NDST3: variants seen among roughly 807,000 people sequenced by gnomAD.
NDST3 encodes bifunctional heparan sulfate N-deacetylase/N-sulfotransferase 3.
In NDST3, 58 loss-of-function variants were observed where a neutral mutation model predicts 96.1. The observed-to-expected ratio is 0.60, with a 90% CI of 0.49 to 0.75. The LOEUF is 0.75. Ranked by LOEUF, NDST3 falls within the 30% of genes least tolerant of loss-of-function variation. The pLI is 0.00. For missense variants in NDST3, 788 were observed against 1,034.2 expected (o/e 0.76, Z 3.27); for synonymous variants, 333 against 359.7 (o/e 0.93, Z 0.84).
At chr4:118,159,605 T>C (rs1694177079) in intron 6 of NDST3, among the ~76,000 whole-genome samples, 1 of 151,982 alleles carries the variant, frequency 6.6e-6, no homozygotes, top group African/African-American at 2.4e-5. Context: ...CTTAATGAAA[T>C]GGAGAGATTA....
intron 2 of NDST3, among the ~76,000 whole-genome samples, chr4:118,094,561 G>A (rs953654570): frequency 6.6e-6 from 1 of 151,780 alleles, no homozygotes; most frequent in Non-Finnish European, 1.5e-5. Flanking sequence ...CCTTTCCATA[G>A]AAGTCATTAT....
At chr4:118,125,975 T>C (rs1560661419) in intron 4 of NDST3, among the ~76,000 whole-genome samples, 1 of 152,004 alleles carries the variant, frequency 6.6e-6, no homozygotes, top group East Asian at 1.9e-4. Context: ...ATTGGGCCAC[T>C]CTGCCAACAT....
At position 118,114,951 on chromosome 4, in the gene NDST3, A is replaced by C. The variant is rs201966915; in HGVS notation, c.1215A>C (p.Lys405Asn). 19 of 1,614,096 alleles carry C rather than the reference A, an allele frequency of 1.2e-5. No homozygotes were observed. Among genetic ancestry groups the C allele is most frequent in the African/African-American group, 1.3e-5 (1 of 75,048 alleles). ...SLVEQMILNKKFALEHGIPTD... is the reference protein window; with the variant it reads ...SLVEQMILNKNFALEHGIPTD... ...TGGAGCAGATGATTCTCAACAAAAAATTTGCCTTAGTAAGTAACTCACTTT... is the reference window on the plus strand; with the variant it reads ...TGGAGCAGATGATTCTCAACAAAAACTTTGCCTTAGTAAGTAACTCACTTT... Residue 405 changes from lysine to asparagine, a missense_variant, in exon 4 of 14, where the codon AAA becomes AAC. Lys to Asn is a moderately conservative substitution (Grantham distance 94). Coordinates refer to ENST00000296499, the MANE Select transcript of NDST3 (RefSeq NM_004784.3).
rs184567243 is a variant in NDST3, at chr4:118,252,340, G to T, written c.2400-1159G>T. On this transcript the variant is annotated intron_variant, in intron 12 of 13. Coordinates refer to ENST00000296499, the MANE Select transcript of NDST3 (RefSeq NM_004784.3). The stretch of plus-strand genomic sequence containing the variant: ...AGACTTGAGTCATGACTTGAATATT[G>T]AAGAAGTGTATAGTACAAGGTAAAT... Among the ~76,000 whole-genome samples, 578 of 152,258 alleles carry T rather than the reference G, an allele frequency of 3.8e-3. 1 individual carries two copies. The highest frequency in any genetic ancestry group is 6.8e-3 in the Middle Eastern group (2 of 294).
intron 10 of NDST3, among the ~76,000 whole-genome samples, chr4:118,238,447 C>G (rs529381588): frequency 6.6e-6 from 1 of 151,978 alleles, no homozygotes; most frequent in Non-Finnish European, 1.5e-5. Flanking sequence ...AAACTTGTTT[C>G]GGTGATAATT....
chr4:118,222,790 A>AT (rs1234815273), intron 6 of NDST3, among the ~76,000 whole-genome samples: 2 of 152,064 alleles, frequency 1.3e-5, no homozygotes, highest in African/African-American at 2.4e-5. Context: ...AAAGAGTAGC[A>AT]TTTTTTTACT....
At chr4:118,240,949 T>C (rs1290176572) in intron 11 of NDST3, among the ~76,000 whole-genome samples, 3 of 152,244 alleles carry the variant, frequency 2.0e-5, no homozygotes, top group Non-Finnish European at 4.4e-5. Context: ...AAGCTTTAGA[T>C]ACGATTCTTA....
chr4:118,251,378 G>A (rs1029362452), intron 12 of NDST3, among the ~76,000 whole-genome samples: 3 of 151,560 alleles, frequency 2.0e-5, no homozygotes, highest in South Asian at 4.2e-4. Flanking sequence ...CGCCTGCCTC[G>A]GCCTTATAAT....
chr4:118,054,640 C>A lies in NDST3; in HGVS notation c.730C>A (p.Leu244Ile). Reference sequence around the variant, plus strand: ...TGCCAAAGTAAAGACCCCAGAAAACCTTTCTCCTTCCATCTCTAAAGGTGC... The same window carrying A: ...TGCCAAAGTAAAGACCCCAGAAAACATTTCTCCTTCCATCTCTAAAGGTGC... ...IFAKVKTPEN[L>I]SPSISKGAFY... Residue 244 changes from leucine (L) to isoleucine (I), a missense_variant, in exon 2 of 14, where the codon CTT (leucine) becomes ATT (isoleucine). Transcript: ENST00000296499. 1 of 1,613,232 alleles carries A rather than the reference C, an allele frequency of 6.2e-7. No homozygotes were observed. Among genetic ancestry groups the A allele is most frequent in the Non-Finnish European group, 8.5e-7 (1 of 1,179,450 alleles).
chr4:118,123,607 A>C (rs1200818441), intron 4 of NDST3, among the ~76,000 whole-genome samples: 1 of 152,100 alleles, frequency 6.6e-6, no homozygotes, highest in Admixed American at 6.6e-5. Flanking sequence ...ACACCCCAGC[A>C]ATTCAAAAAT....
At chr4:118,154,627 A>C (rs1240462757) in intron 6 of NDST3, among the ~76,000 whole-genome samples, 6 of 152,200 alleles carry the variant, frequency 3.9e-5, no homozygotes, top group African/African-American at 1.4e-4. Flanking sequence ...CACAGAACAA[A>C]GGACTATTAA....
At chr4:118,216,994 T>C (rs996520663) in intron 6 of NDST3, among the ~76,000 whole-genome samples, 8 of 152,056 alleles carry the variant, frequency 5.3e-5, no homozygotes, top group Non-Finnish European at 1.0e-4. Flanking sequence ...AAAACAAGTA[T>C]GTTTAAAAAG....
chr4:118,193,410 C>T (rs531169146), intron 6 of NDST3: 9 of 664,684 alleles, frequency 1.4e-5, no homozygotes, highest in African/African-American at 1.3e-4. Flanking sequence ...AGGGGCTATG[C>T]TTCTGTCTCC....
rs770155552 is a variant in NDST3, at chr4:118,143,664, T to C, written c.1519T>C (p.Phe507Leu). 1 of 1,603,568 alleles carries C rather than the reference T, an allele frequency of 6.2e-7. No individual in the cohort carries two copies. Among genetic ancestry groups the C allele is most frequent in the South Asian group, 1.1e-5 (1 of 87,832 alleles). Reference protein sequence around the residue: ...DKSIQGGELFFTVVLNPISIF... With the variant: ...DKSIQGGELFLTVVLNPISIF... ...GAGTATCCAAGGAGGAGAACTTTTC[T>C]TCACTGTCGTCCTCAACCCTGTAAG... The change falls in exon 6 of 14, where the codon TTC (phenylalanine) becomes CTC (leucine). Residue 507 changes from phenylalanine (F) to leucine (L), a missense_variant. By Grantham distance (22) the Phe-to-Leu change is conservative (BLOSUM62 0). This residue lies in a region of NDST3 where 490 missense variants were observed against 708.8 expected (regional missense o/e 0.69). Transcript: ENST00000296499.
Position 118,151,311 on chromosome 4 carries a change from G to A in NDST3, c.1539+7627G>A, listed in dbSNP as rs561503161. On this transcript the variant is annotated intron_variant, in intron 6 of 13. Transcript: ENST00000296499. ...TAGATGACGAGTTAGTGGGTGCAGC[G>A]CACCAGCATGGTACATGTATACATA... is the stretch of plus-strand genomic sequence containing the variant. Among the ~76,000 whole-genome samples the A allele has an allele frequency of 3.3e-5, 5 of 151,988 alleles. No individual in the cohort carries two copies. In the South Asian group the frequency reaches 6.2e-4, roughly 19 times the overall value.
chr4:118,150,710 T>C (rs1216329254), intron 6 of NDST3, among the ~76,000 whole-genome samples: 1 of 151,410 alleles, frequency 6.6e-6, no homozygotes, highest in African/African-American at 2.4e-5. Context: ...CCAGTTAGAA[T>C]AGCAATCATT....
chr4:118,165,322 C>CA (rs1021804733), intron 6 of NDST3, among the ~76,000 whole-genome samples: 3 of 151,298 alleles, frequency 2.0e-5, no homozygotes, highest in African/African-American at 7.3e-5. Flanking sequence ...AACTGTCACA[C>CA]AAAAAAAGAA....
intron 6 of NDST3, among the ~76,000 whole-genome samples, chr4:118,147,086 T>C (rs1451021918): frequency 2.0e-5 from 3 of 152,232 alleles, no homozygotes; most frequent in African/African-American, 4.8e-5. Flanking sequence ...TCTAATTGTA[T>C]AGACAGTAAT....
intron 2 of NDST3, among the ~76,000 whole-genome samples, chr4:118,067,325 G>T (rs999201896): frequency 1.3e-5 from 2 of 151,978 alleles, no homozygotes; most frequent in Admixed American, 1.3e-4. Flanking sequence ...GACATAATTT[G>T]CTAATCTGCT....
Sources: allele counts gnomAD v4.1 joint callset (sites outside exome capture counted in the v4.1 genomes callset), GRCh38; gene constraint gnomAD v4.1.1; regional missense constraint gnomAD v4.1.1; transcripts MANE v1.5; gene names NCBI Gene and HGNC (gene_info 2026-07-23, HGNC 2026-07-21).